Variants in PRKCA observed in about 807,000 individuals in gnomAD.
The protein encoded by PRKCA is protein kinase C alpha, also known as protein kinase C alpha type.
In PRKCA, 27 loss-of-function variants were observed where a neutral mutation model predicts 87.0. The ratio of observed to expected loss-of-function variants is 0.31; its 90% CI spans 0.23 to 0.43. The LOEUF (loss-of-function observed/expected upper bound fraction) is 0.43, where lower values mean the gene tolerates loss of function less well. Among genes scored for constraint, PRKCA ranks in the 20% least tolerant of loss-of-function variants. The probability of loss-of-function intolerance (pLI) is 1.00; values close to 1 mark genes in which losing one functional copy is unlikely to be tolerated. For missense variants in PRKCA, 518 were observed against 852.3 expected (o/e 0.61, Z 4.88); for synonymous variants, 329 against 311.1 (o/e 1.06, Z -0.61).
chr17:66,424,584 C>T (rs1451277310), intron 2 of PRKCA, among the ~76,000 whole-genome samples: 1 of 151,596 alleles, frequency 6.6e-6, no homozygotes, highest in African/African-American at 2.4e-5. Flanking sequence ...CACACACACA[C>T]ACACACACAC....
At chr17:66,678,848 G>A (rs867656852) in intron 5 of PRKCA, among the ~76,000 whole-genome samples, 1 of 152,058 alleles carries the variant, frequency 6.6e-6, no homozygotes. Context: ...CTCTACATCG[G>A]TGCAGATTTA....
Position 66,641,375 on chromosome 17 carries a change from G to C in PRKCA, c.309G>C (p.Lys103Asn), listed in dbSNP as rs1165951448. The C allele has an allele frequency of 1.2e-6, 2 of 1,612,844 alleles. No individual in the cohort carries two copies. Among genetic ancestry groups the C allele is most frequent in the Non-Finnish European group, 1.7e-6 (2 of 1,179,342 alleles). ...PDTDDPRSKH[K>N]FKIHTYGSPT... ...CCCAGGACCCCAGGAGCAAGCACAA[G>C]TTCAAAATCCACACTTACGGAAGCC... is the stretch of plus-strand genomic sequence containing the variant. The change falls in exon 4 of 17, where the codon AAG becomes AAC. Residue 103 changes from lysine to asparagine, a missense_variant. Physicochemically the swap from Lys to Asn is moderately conservative, Grantham distance 94. Transcript: ENST00000413366.
In PRKCA at chr17:66,645,426, C is replaced by A. The variant is rs558914877; in HGVS notation, c.444C>A (p.Pro148=). 19 of 1,614,214 alleles carry A rather than the reference C, an allele frequency of 1.2e-5. No individual in the cohort carries two copies. In the South Asian group the frequency reaches 2.1e-4, roughly 18 times the overall value. ...ACAAGCAATGCGTCATCAATGTCCC[C>A]AGCCTCTGCGGAATGGATCACACTG... ...NVHKQCVINV[P]SLCGMDHTEK... is the part of the protein sequence containing the mutation. Residue 148 remains proline (P), a synonymous_variant, in exon 5 of 17, where the codon CCC becomes CCA. Coordinates refer to ENST00000413366, the MANE Select transcript of PRKCA (RefSeq NM_002737.3).
chr17:66,689,017 A>T lies in PRKCA; in HGVS notation c.888A>T (p.Glu296Asp). ...YNVPIPEGDE[E>D]GNMELRQKFE... is the part of the protein sequence containing the mutation. ...TACCCATTCCGGAAGGGGACGAGGA[A>T]GGAAACATGGAACTCAGGCAGAAAT... Residue 296 changes from glutamate (E) to aspartate (D), a missense_variant, in exon 8 of 17, where the codon GAA (glutamate) becomes GAT (aspartate). By Grantham distance (45) the Glu-to-Asp change is conservative (BLOSUM62 2). This residue lies in a region of PRKCA where 300 missense variants were observed against 496.8 expected (regional missense o/e 0.60). Coordinates refer to ENST00000413366, the MANE Select transcript of PRKCA (RefSeq NM_002737.3). This position sits in a 1 kb window ranked among gnomAD's most constrained non-coding sequence, Gnocchi z 4.1. 6.2e-7 allele frequency: 1 copy of T among 1,602,082 alleles called. No individual in the cohort carries two copies. The highest frequency in any genetic ancestry group is 8.5e-7 in the Non-Finnish European group (1 of 1,174,764).
intron 2 of PRKCA, among the ~76,000 whole-genome samples, chr17:66,314,702 G>C (rs1905218337): frequency 6.6e-6 from 1 of 152,200 alleles, no homozygotes; most frequent in Non-Finnish European, 1.5e-5. Context: ...ACTTGGACAA[G>C]CTTCCTCAAG....
intron 2 of PRKCA, among the ~76,000 whole-genome samples, chr17:66,465,983 A>G (rs1239609781): frequency 2.6e-5 from 4 of 152,178 alleles, no homozygotes; most frequent in Non-Finnish European, 5.9e-5. Context: ...CAATAAGTCA[A>G]AAGCTGTTCT....
chr17:66,720,994 A>G (rs7503369), intron 8 of PRKCA, among the ~76,000 whole-genome samples: 32,249 of 152,138 alleles, frequency 0.21, 3,609 homozygotes, highest in South Asian at 0.27. Context: ...GTTACTGGAA[A>G]GAAGTCCCAA....
Position 66,302,952 on chromosome 17 carries a change from T to C in PRKCA, c.101T>C (p.Val34Ala). The change falls in exon 1 of 17, where the codon GTG becomes GCG. Residue 34 changes from valine to alanine, a missense_variant. By Grantham distance (64) the Val-to-Ala change is moderately conservative (BLOSUM62 0). Around this residue, in one of 5 missense-constraint regions of PRKCA, gnomAD observed 25 missense variants for 72.1 expected, o/e 0.35. Transcript: ENST00000413366. ...GALRQKNVHE[V>A]KDHKFIARFF... is the part of the protein sequence containing the mutation. ...CTGAGGCAGAAGAACGTGCACGAGG[T>C]GAAGGACCACAAATTCATCGCGCGC... The C allele has an allele frequency of 6.2e-7, 1 of 1,612,664 alleles. No individual in the cohort carries two copies. Among genetic ancestry groups the C allele is most frequent in the Non-Finnish European group, 8.5e-7 (1 of 1,179,336 alleles).
intron 2 of PRKCA, among the ~76,000 whole-genome samples, chr17:66,308,157 G>T (rs563235451): frequency 1.3e-5 from 2 of 152,210 alleles, no homozygotes; most frequent in African/African-American, 4.8e-5. Flanking sequence ...ACTAGTATAG[G>T]TATTTCTACA....
At chr17:66,416,307 A>G (rs1190442741) in intron 2 of PRKCA, 1 of 152,414 alleles carries the variant, frequency 6.6e-6, no homozygotes, top group African/African-American at 2.4e-5. Context: ...GGTGTGGGCC[A>G]TGCAGAAAGC....
chr17:66,329,047 A>C (rs1353727991), intron 2 of PRKCA, among the ~76,000 whole-genome samples: 4 of 152,216 alleles, frequency 2.6e-5, no homozygotes, highest in Non-Finnish European at 5.9e-5. Flanking sequence ...TATGTGAAGA[A>C]CTAACTAGAA....
chr17:66,356,363 C>T (rs1262472646), intron 2 of PRKCA, among the ~76,000 whole-genome samples: 2 of 152,080 alleles, frequency 1.3e-5, no homozygotes, highest in African/African-American at 2.4e-5. Context: ...TAGGCCGGCA[C>T]GGTGGCTCAC....
intron 2 of PRKCA, among the ~76,000 whole-genome samples, chr17:66,385,110 A>G (rs1348703330): frequency 1.3e-5 from 2 of 152,154 alleles, no homozygotes; most frequent in African/African-American, 4.8e-5. Context: ...GTTGTGTAGT[A>G]CATCATGTGA....
chr17:66,715,648 C>G (rs941261580), intron 8 of PRKCA, among the ~76,000 whole-genome samples: 4 of 152,212 alleles, frequency 2.6e-5, no homozygotes, highest in Non-Finnish European at 5.9e-5. Context: ...ATCTGTAGTT[C>G]CGTTGGCACT....
intron 2 of PRKCA, among the ~76,000 whole-genome samples, chr17:66,344,994 C>G (rs1271102200): frequency 6.6e-6 from 1 of 152,146 alleles, no homozygotes; most frequent in Non-Finnish European, 1.5e-5. Flanking sequence ...ATACCTATTG[C>G]AGTATGATCA....
chr17:66,676,452 A>G (rs1004384997), intron 5 of PRKCA: 1 of 152,322 alleles, frequency 6.6e-6, no homozygotes, highest in Non-Finnish European at 1.5e-5. Flanking sequence ...CCTCTCCCAC[A>G]CCAGGCTTGC....
At chr17:66,605,776 A>C (rs910544355) in intron 3 of PRKCA, among the ~76,000 whole-genome samples, 1 of 152,230 alleles carries the variant, frequency 6.6e-6, no homozygotes, top group Non-Finnish European at 1.5e-5. Context: ...CACATGCTGC[A>C]ACATAGATGG....
intron 2 of PRKCA, among the ~76,000 whole-genome samples, chr17:66,345,121 A>G (rs1418043959): frequency 1.3e-5 from 2 of 151,962 alleles, no homozygotes; most frequent in Non-Finnish European, 2.9e-5. Context: ...CGCACCCTCT[A>G]TTGCTGGATT....
At chr17:66,441,623 C>A (rs919614524) in intron 2 of PRKCA, among the ~76,000 whole-genome samples, 1 of 152,166 alleles carries the variant, frequency 6.6e-6, no homozygotes, top group Non-Finnish European at 1.5e-5. Context: ...CGTCTGTGCA[C>A]CTCCTCTGAG....
Sources: gnomAD v4.1 joint callset for allele counts (sites outside exome capture counted in the v4.1 genomes callset) on GRCh38, gnomAD v4.1.1 for gene constraint, gnomAD v4.1.1 regional missense constraint, Gnocchi (gnomAD v3.1) non-coding constraint, MANE v1.5 for transcripts, NCBI Gene and HGNC (gene_info 2026-07-23, HGNC 2026-07-21) for gene names.